CPA1: variants seen among roughly 807,000 people sequenced by gnomAD.
CPA1 encodes carboxypeptidase A1, also known as carboxypeptidase A1 (pancreatic).
A neutral mutation model predicts 48.7 loss-of-function variants in CPA1; 42 were observed. The ratio of observed to expected loss-of-function variants is 0.86; its 90% CI spans 0.67 to 1.11. CPA1 has a LOEUF of 1.11. CPA1 is among the 50% of genes most tolerant of loss of function. CPA1 has a pLI of 0.00. For missense variants in CPA1, 477 were observed against 544.7 expected (o/e 0.88, Z 1.24); for synonymous variants, 203 against 217.9 (o/e 0.93, Z 0.60).
Position 130,387,725 on chromosome 7 carries a change from A to G in CPA1, c.1073-99A>G. On this transcript the variant is annotated intron_variant, in intron 9 of 9. Transcript: ENST00000011292. This position sits in a 1 kb window ranked among gnomAD's most constrained non-coding sequence, Gnocchi z 4.6. ...ACACTGACTCCACTCAGCATTGCAC[A>G]AGGCACAGAGCTTTGGACAGGGTTG... is the stretch of plus-strand genomic sequence containing the variant. 1 of 1,106,462 alleles carries G rather than the reference A, an allele frequency of 9.0e-7. No individual in the cohort carries two copies. Among genetic ancestry groups the G allele is most frequent in the Non-Finnish European group, 1.3e-6 (1 of 749,988 alleles). The allele number at this position is 1,106,462 out of a possible 1,614,324, so 68.5% of individuals were successfully genotyped here.
rs1554411717 is a variant in CPA1 at position 130,384,545 on chromosome 7, T to C, written c.706T>C (p.Trp236Arg). ...CCATTTCCTTCCTCAGAATCGCATG[T>C]GGCGCAAGACTCGGTCCCACACAGC... Reference protein sequence around the residue: ...FAFTHSTNRMWRKTRSHTAGS... With the variant: ...FAFTHSTNRMRRKTRSHTAGS... Residue 236 changes from tryptophan to arginine, a missense_variant, in exon 7 of 10, where the codon TGG (tryptophan) becomes CGG (arginine). Transcript: ENST00000011292. 1.2e-6 allele frequency: 2 copies of C among 1,614,092 alleles called. No homozygotes were observed. The highest frequency in any genetic ancestry group is 2.7e-5 in the African/African-American group (2 of 74,950).
At position 130,387,202 on chromosome 7, in the gene CPA1, A is replaced by C. The variant is rs1444960996; in HGVS notation, c.1073-622A>C. Among the ~76,000 whole-genome samples, 1 of 152,156 alleles carries C rather than the reference A, an allele frequency of 6.6e-6. No homozygotes were observed. Among genetic ancestry groups the C allele is most frequent in the African/African-American group, 2.4e-5 (1 of 41,420 alleles). ...TGGTGGGCAAGCAGGTCACAATCTT[A>C]TCCAAGGTTGACCTCACTTTTGGAC... is the stretch of plus-strand genomic sequence containing the variant. On this transcript the variant is annotated intron_variant, in intron 9 of 9. Coordinates refer to ENST00000011292, the MANE Select transcript of CPA1 (RefSeq NM_001868.4). The surrounding 1 kb of genome is among the most constrained non-coding windows in gnomAD (Gnocchi z 4.6).
At chr7:130,384,438 TCCACTCTGCTCTCTGCAGCCTCTGAA>T (rs1796445686) in intron 6 of CPA1, 72 bp from the exon 7 acceptor site, 1 of 1,026,386 alleles carries the variant, frequency 9.7e-7, no homozygotes, top group Non-Finnish European at 1.5e-6. Flanking sequence ...CTCCCCTCAG[TCCACTCTGCTCTCTGCAGCCTCTGAA>T]CCACCCCCCA....
rs1796398601 is a variant in CPA1, at chr7:130,381,188, AG to A, written c.147+13del. 1 of 1,605,130 alleles carries A rather than the reference AG, an allele frequency of 6.2e-7. No homozygotes were observed. Among genetic ancestry groups the A allele is most frequent in the African/African-American group, 1.3e-5 (1 of 74,832 alleles). The stretch of plus-strand genomic sequence containing the variant: ...ACCTGGAGCACCTGCAGGTCAGAAG[AG>A]GGGAGAAGGGCTCTCTGAGGCCCCA... On this transcript the variant is annotated intron_variant, in intron 2 of 9. Transcript: ENST00000011292.
Position 130,383,373 on chromosome 7 carries a change from C to T in CPA1, c.484-18C>T. Reference sequence around the variant, plus strand: ...AGCTGTGAAATTGCCTCTGATCACTCCCCTGCCTCCTCTCCAGTTCAGCAC... The same window carrying T: ...AGCTGTGAAATTGCCTCTGATCACTTCCCTGCCTCCTCTCCAGTTCAGCAC... On this transcript the variant is annotated intron_variant, in intron 4 of 9. Coordinates refer to ENST00000011292, the MANE Select transcript of CPA1 (RefSeq NM_001868.4). 2 of 1,609,124 alleles carry T rather than the reference C, an allele frequency of 1.2e-6. No individual in the cohort carries two copies. The highest frequency in any genetic ancestry group is 1.1e-5 in the South Asian group (1 of 90,526).
rs782496881 is a variant in CPA1, at chr7:130,385,204, C to T, written c.846C>T (p.Ser282=). 1.5e-5 allele frequency: 24 copies of T among 1,614,100 alleles called. 1 individual carries two copies. Among genetic ancestry groups the T allele is most frequent in the African/African-American group, 6.7e-5 (5 of 74,934 alleles). ...SETYHGKFAN[S]EVEVKSIVDF... is the part of the protein sequence containing the mutation. Reference sequence around the variant, plus strand: ...CTTACCACGGCAAGTTTGCCAATTCCGAAGTGGAGGTCAAGTCCATTGTAG... The same window carrying T: ...CTTACCACGGCAAGTTTGCCAATTCTGAAGTGGAGGTCAAGTCCATTGTAG... Residue 282 remains serine, a synonymous_variant, in exon 8 of 10, where the codon TCC becomes TCT. Transcript: ENST00000011292.
rs376018006 is a variant in CPA1, at chr7:130,383,373, C to A, written c.484-18C>A. 6.3e-5 allele frequency: 102 copies of A among 1,609,006 alleles called. No individual in the cohort carries two copies. The highest frequency in any genetic ancestry group is 7.8e-5 in the Non-Finnish European group (92 of 1,176,316). ...AGCTGTGAAATTGCCTCTGATCACT[C>A]CCCTGCCTCCTCTCCAGTTCAGCAC... is the stretch of plus-strand genomic sequence containing the variant. On this transcript the variant is annotated intron_variant, in intron 4 of 9. Coordinates refer to ENST00000011292, the MANE Select transcript of CPA1 (RefSeq NM_001868.4).
chr7:130,384,404 G>T lies in CPA1; in HGVS notation c.697-132G>T, dbSNP rs1796445167. ...AGCTTCCAATCAGGGCACTTGTGTT[G>T]AGGGCTTCCACCTCCAGGGAGCCCT... On this transcript the variant is annotated intron_variant, in intron 6 of 9. Transcript: ENST00000011292. 5.5e-6 allele frequency: 4 copies of T among 722,720 alleles called. No homozygotes were observed. The Admixed American group carries it at 9.1e-5, about 16-fold the overall frequency. 44.8% of individuals were successfully genotyped at this position (722,720 alleles called of 1,614,324 possible). A position where few individuals can be genotyped will look rare whatever the true frequency, so the allele number is the denominator to read the frequency against.
In CPA1 at chr7:130,383,817, G is replaced by A. The variant is rs782597959; in HGVS notation, c.696+23G>A. On this transcript the variant is annotated intron_variant, in intron 6 of 9. Coordinates refer to ENST00000011292, the MANE Select transcript of CPA1 (RefSeq NM_001868.4). ...ACGGTACCGGCCTTCTCCTGTCCTT[G>A]GGGGAAGCAGGATGGGCCTCTGGCT... The A allele has an allele frequency of 3.0e-6, 3 of 1,011,624 alleles. No homozygotes were observed. In the South Asian group the frequency reaches 4.6e-5, roughly 16 times the overall value. The allele number at this position is 1,011,624 out of a possible 1,614,324, so 62.7% of individuals were successfully genotyped here. A position where few individuals can be genotyped will look rare whatever the true frequency, so the allele number is the denominator to read the frequency against.
chr7:130,381,779 G>A lies in CPA1; in HGVS notation c.297G>A (p.Glu99=), dbSNP rs782817808. The part of the protein sequence containing the change: ...MIEDVQSLLD[E]EQEQMFAFRS... ...AGGACGTGCAGTCGCTGCTGGACGA[G>A]GAGCAGGAGCAGATGTTCGCCTTCC... The change falls in exon 3 of 10, where the codon GAG becomes GAA. Residue 99 remains glutamate, a synonymous_variant. Transcript: ENST00000011292. 1.2e-6 allele frequency: 2 copies of A among 1,614,042 alleles called. No individual in the cohort carries two copies. The highest frequency in any genetic ancestry group is 1.3e-5 in the African/African-American group (1 of 74,926).
intron 8 of CPA1, 126 bp downstream of exon 8, chr7:130,385,471 T>A (rs868919512): frequency 3.5e-6 from 3 of 868,696 alleles, no homozygotes; most frequent in Non-Finnish European, 5.5e-6. Flanking sequence ...CCTTCCCTGA[T>A]GGCTTGGGAA....
intron 4 of CPA1, 30 bp from the exon 5 acceptor site, chr7:130,383,361 C>G: frequency 3.8e-6 from 6 of 1,594,498 alleles, no homozygotes; most frequent in Non-Finnish European, 5.2e-6. Context: ...TGTGAAATTG[C>G]CTCTGATCAC....
At chr7:130,381,255 T>C in intron 2 of CPA1, 76 bp downstream of exon 2, 1 of 1,047,290 alleles carries the variant, frequency 9.5e-7, no homozygotes, top group Non-Finnish European at 1.4e-6. Context: ...AGCGGCCAAC[T>C]GTGCCTGGGC....
intron 9 of CPA1, 110 bp downstream of exon 9, chr7:130,386,033 T>A: frequency 1.1e-6 from 1 of 900,072 alleles, no homozygotes; most frequent in Non-Finnish European, 1.8e-6. Flanking sequence ...CACCCAGATC[T>A]GTCAACTGCT....
At chr7:130,386,724 G>A (rs1314295454) in intron 9 of CPA1, among the ~76,000 whole-genome samples, 1 of 152,166 alleles carries the variant, frequency 6.6e-6, no homozygotes, top group African/African-American at 2.4e-5. Context: ...TTGGGATATA[G>A]CCATGAATGA....
chr7:130,382,309 A>G, intron 4 of CPA1, 100 bp downstream of exon 4: 1 of 905,926 alleles, frequency 1.1e-6, no homozygotes, highest in Non-Finnish European at 1.8e-6. Flanking sequence ...ACCAGGGAAC[A>G]CGCTGTTAAA....
Position 130,386,054 on chromosome 7 carries a change from A to G in CPA1, c.1072+131A>G, listed in dbSNP as rs2239606. On this transcript the variant is annotated intron_variant, in intron 9 of 9. Coordinates refer to ENST00000011292, the MANE Select transcript of CPA1 (RefSeq NM_001868.4). ...GATCTGTCAACTGCTGGCAAGGGCT[A>G]TTCTGAGGGGTGGGCAGTCCCTTTT... The G allele has an allele frequency of 0.48, 337,397 of 707,070 alleles. 81,671 individuals carry two copies. Among genetic ancestry groups the G allele is most frequent in the East Asian group, 0.62 (23,072 of 36,942 alleles). 43.8% of individuals were successfully genotyped at this position (707,070 alleles called of 1,614,324 possible). A position where few individuals can be genotyped will look rare whatever the true frequency, so the allele number is the denominator to read the frequency against.
chr7:130,385,360 C>T lies in CPA1; in HGVS notation c.987+15C>T, dbSNP rs782539718. 11 of 1,613,438 alleles carry T rather than the reference C, an allele frequency of 6.8e-6. No homozygotes were observed. Among genetic ancestry groups the T allele is most frequent in the East Asian group, 4.5e-5 (2 of 44,872 alleles). ...AGGATGAGCTGGTAGGCACTGACCT[C>T]GGCTTGCCCCCTCGTCCCCAAGGTG... On this transcript the variant is annotated intron_variant, in intron 8 of 9. Transcript: ENST00000011292.
chr7:130,382,141 A>T lies in CPA1; in HGVS notation c.415A>T (p.Asn139Tyr). The T allele has an allele frequency of 6.2e-7, 1 of 1,614,220 alleles. No homozygotes were observed. The highest frequency in any genetic ancestry group is 8.5e-7 in the Non-Finnish European group (1 of 1,180,038). The change falls in exon 4 of 10, where the codon AAC becomes TAC. Residue 139 changes from asparagine (N) to tyrosine (Y), a missense_variant. By Grantham distance (143) the Asn-to-Tyr change is moderately radical. Coordinates refer to ENST00000011292, the MANE Select transcript of CPA1 (RefSeq NM_001868.4). ...YDFLDLLVAE[N>Y]PHLVSKIQIG... ...CTTCCTGGACCTGCTGGTGGCGGAG[A>T]ACCCGCACCTTGTCAGCAAGATCCA...
Sources: allele counts gnomAD v4.1 joint callset (sites outside exome capture counted in the v4.1 genomes callset), GRCh38; gene constraint gnomAD v4.1.1; non-coding constraint Gnocchi (gnomAD v3.1); transcripts MANE v1.5; gene names NCBI Gene and HGNC (gene_info 2026-07-23, HGNC 2026-07-21).